The following ATP8B1 variants were observed in gnomAD, a reference collection of about 807,000 sequenced individuals.
The protein encoded by ATP8B1 is ATPase phospholipid transporting 8B1, also known as phospholipid-transporting ATPase IC.
ATP8B1 carries 80 observed loss-of-function variants against 149.9 expected under a neutral mutation model. The observed-to-expected ratio is 0.53, with a 90% CI of 0.45 to 0.64. The LOEUF (loss-of-function observed/expected upper bound fraction) is 0.64, where lower values mean the gene tolerates loss of function less well. Ranked by LOEUF, ATP8B1 falls within the 30% of genes least tolerant of loss-of-function variation. The pLI is 0.00. For synonymous variants in ATP8B1, 536 were observed against 562.8 expected, an observed-to-expected ratio of 0.95 and a Z score of 0.67; for missense variants, 1,247 against 1,552.6, an observed-to-expected ratio of 0.80 and a Z score of 3.31.
At chr18:57,703,725 TA>T (rs1441347432) in intron 4 of ATP8B1, among the ~76,000 whole-genome samples, 3 of 151,896 alleles carry the variant, frequency 2.0e-5, no homozygotes, top group African/African-American at 7.3e-5. Flanking sequence ...CTTGCACAGC[TA>T]AACTCATGCT....
At position 57,648,517 on chromosome 18, in the gene ATP8B1, CG is replaced by C; in HGVS notation, c.3726del (p.Ala1243ArgfsTer46). On this transcript the variant is annotated frameshift_variant, in exon 28 of 28. Coordinates refer to ENST00000648908, the MANE Select transcript of ATP8B1 (RefSeq NM_001374385.1). LOFTEE classifies it high-confidence loss of function. ...SPLDAIVADGTAEYRRTGDS is the reference protein window; with the variant it reads ...SPLDAIVADGXAEYRRTGDS ...CTGTCCCCGGTGCGCCTGTACTCCG[CG>C]GTGCCATCCGCCACGATGGCATCAA... 6.2e-7 allele frequency: 1 copy of C among 1,611,382 alleles called. No individual in the cohort carries two copies. Among genetic ancestry groups the C allele is most frequent in the Non-Finnish European group, 8.5e-7 (1 of 1,179,998 alleles).
intron 20 of ATP8B1, among the ~76,000 whole-genome samples, chr18:57,663,224 A>G (rs1050588360): frequency 6.6e-6 from 1 of 152,168 alleles, no homozygotes; most frequent in African/African-American, 2.4e-5. Flanking sequence ...CACTTAGCTT[A>G]ATGTCTTCAA....
In ATP8B1 at chr18:57,646,964, A is replaced by G. The variant is rs886054000; in HGVS notation, c.*1524T>C. 7 of 152,250 alleles carry G rather than the reference A, an allele frequency of 4.6e-5. No individual in the cohort carries two copies. Among genetic ancestry groups the G allele is most frequent in the East Asian group, 1.9e-4 (1 of 5,206 alleles). The allele number at this position is 152,250 out of a possible 1,614,324, so 9.4% of individuals were successfully genotyped here. A position where few individuals can be genotyped will look rare whatever the true frequency, so the allele number is the denominator to read the frequency against. ...ACTTTCTCCTCTTTGAGGAGTTTCC[A>G]TAATTACCTAAAGTTATCTTCAAAT... is the stretch of plus-strand genomic sequence containing the variant. On this transcript the variant is annotated 3_prime_UTR_variant, in exon 28 of 28. Transcript: ENST00000648908.
At chr18:57,721,601 T>A (rs2079647052) in intron 2 of ATP8B1, among the ~76,000 whole-genome samples, 1 of 151,290 alleles carries the variant, frequency 6.6e-6, no homozygotes, top group Non-Finnish European at 1.5e-5. Context: ...ATAAAGCAAA[T>A]CCTGAGTGAC....
chr18:57,661,172 A>G lies in ATP8B1; in HGVS notation c.2707+2T>C. ...CTCACTGGCCGTGGGTGCATGACTC[A>G]CTTTTGATCATGTTCACGTCATTGG... On this transcript the variant is annotated splice_donor_variant, in intron 22 of 27. Coordinates refer to ENST00000648908, the MANE Select transcript of ATP8B1 (RefSeq NM_001374385.1). LOFTEE classifies it high-confidence loss of function. 1 of 1,613,306 alleles carries G rather than the reference A, an allele frequency of 6.2e-7. No individual in the cohort carries two copies. Among genetic ancestry groups the G allele is most frequent in the Non-Finnish European group, 8.5e-7 (1 of 1,179,994 alleles).
At chr18:57,714,621 A>C (rs1485854033) in intron 2 of ATP8B1, among the ~76,000 whole-genome samples, 1 of 132,512 alleles carries the variant, frequency 7.5e-6, no homozygotes, top group Non-Finnish European at 1.7e-5. Context: ...AGAGCAAAAA[A>C]AGAGAGAGAG....
chr18:57,697,932 T>C, intron 6 of ATP8B1, 65 bp from the exon 7 acceptor site: 4 of 1,397,142 alleles, frequency 2.9e-6, no homozygotes, highest in Non-Finnish European at 4.0e-6. Context: ...ATTACTATTC[T>C]TTCTGGATGT....
intron 1 of ATP8B1, among the ~76,000 whole-genome samples, chr18:57,798,862 G>A (rs1440906196): frequency 1.6e-5 from 2 of 123,704 alleles, no homozygotes; most frequent in South Asian, 2.6e-4. Context: ...CCTTGCCCCT[G>A]CTCTGGGGAA....
intron 15 of ATP8B1, among the ~76,000 whole-genome samples, chr18:57,680,812 C>G (rs984170141): frequency 1.3e-5 from 2 of 152,064 alleles, no homozygotes; most frequent in African/African-American, 4.8e-5. Flanking sequence ...GCTCCAGACT[C>G]TCACACCCGT....
intron 15 of ATP8B1, among the ~76,000 whole-genome samples, chr18:57,680,461 T>C (rs997423833): frequency 2.7e-5 from 4 of 149,562 alleles, no homozygotes; most frequent in African/African-American, 4.9e-5. Context: ...GGGGCATGCC[T>C]GTAATCCCAG....
At chr18:57,730,199 C>G (rs750130121) in intron 2 of ATP8B1, among the ~76,000 whole-genome samples, 3 of 151,140 alleles carry the variant, frequency 2.0e-5, no homozygotes, top group Non-Finnish European at 4.4e-5. Flanking sequence ...AAAAAAATAG[C>G]TCATCCAGAT....
rs1264516670 is a variant in ATP8B1, at chr18:57,662,575, C to G, written c.2326G>C (p.Gly776Arg). 1 of 1,614,104 alleles carries G rather than the reference C, an allele frequency of 6.2e-7. No individual in the cohort carries two copies. Among genetic ancestry groups the G allele is most frequent in the Non-Finnish European group, 8.5e-7 (1 of 1,180,016 alleles). ...GGTGCAAACTTTGCGTAGACGCCACCTCTATTCCTCTGGTTTTCCATCCTT... is the reference window on the plus strand; with the variant it reads ...GGTGCAAACTTTGCGTAGACGCCACGTCTATTCCTCTGGTTTTCCATCCTT... Reference protein sequence around the residue: ...HARMENQRNRGGVYAKFAPPV... With the variant: ...HARMENQRNRRGVYAKFAPPV... Residue 776 changes from glycine to arginine, a missense_variant, in exon 21 of 28, where the codon GGT becomes CGT. Transcript: ENST00000648908.
At chr18:57,739,919 G>A (rs923383748) in intron 1 of ATP8B1, among the ~76,000 whole-genome samples, 1 of 152,136 alleles carries the variant, frequency 6.6e-6, no homozygotes, top group African/African-American at 2.4e-5. Context: ...CTGGCATATA[G>A]GAGGCTCGTT....
At chr18:57,655,523 T>C (rs1293549159) in intron 22 of ATP8B1, 106 bp from the exon 23 acceptor site, 2 of 992,360 alleles carry the variant, frequency 2.0e-6, no homozygotes, top group African/African-American at 3.2e-5. Context: ...AGACAGACAT[T>C]GATGGAACAA....
intron 1 of ATP8B1, among the ~76,000 whole-genome samples, chr18:57,733,337 AT>A (rs1293832004): frequency 6.6e-6 from 1 of 152,178 alleles, no homozygotes; most frequent in African/African-American, 2.4e-5. Flanking sequence ...GAATAACAGT[AT>A]TATTGTTATT....
intron 2 of ATP8B1, among the ~76,000 whole-genome samples, chr18:57,724,304 T>G (rs1216979241): frequency 7.0e-6 from 1 of 141,998 alleles, no homozygotes; most frequent in Non-Finnish European, 1.5e-5. Flanking sequence ...ACCATCAGAG[T>G]GAACAGGCAA....
intron 1 of ATP8B1, among the ~76,000 whole-genome samples, chr18:57,790,639 T>TGGGG (rs2080455941): frequency 6.6e-6 from 1 of 152,152 alleles, no homozygotes; most frequent in South Asian, 2.1e-4. Flanking sequence ...TATAACCTCC[T>TGGGG]TCAAGAGACC....
At chr18:57,737,981 G>A (rs529283403) in intron 1 of ATP8B1, 1 of 152,338 alleles carries the variant, frequency 6.6e-6, no homozygotes, top group East Asian at 1.9e-4. Flanking sequence ...CTTCTCTGCA[G>A]TGTGCATGTG....
intron 1 of ATP8B1, among the ~76,000 whole-genome samples, chr18:57,769,158 G>GA (rs899202438): frequency 6.6e-6 from 1 of 152,176 alleles, no homozygotes; most frequent in Admixed American, 6.5e-5. Flanking sequence ...AGCTCAGAAA[G>GA]AAAGCAGAGC....
Sources: allele counts gnomAD v4.1 joint callset (sites outside exome capture counted in the v4.1 genomes callset), GRCh38; gene constraint gnomAD v4.1.1; transcripts MANE v1.5; gene names NCBI Gene and HGNC (gene_info 2026-07-23, HGNC 2026-07-21).